The following SDCCAG8 variants were observed in gnomAD, a reference collection of about 807,000 sequenced individuals.
The protein encoded by SDCCAG8 is serologically defined colon cancer antigen 8.
SDCCAG8 carries 74 observed loss-of-function variants against 101.8 expected under a neutral mutation model. The ratio of observed to expected loss-of-function variants is 0.73; its 90% CI spans 0.60 to 0.88. The LOEUF is 0.88. SDCCAG8 is among the 40% of genes least tolerant of loss of function. The pLI is 0.00. For synonymous variants in SDCCAG8, 281 were observed against 292.9 expected, an observed-to-expected ratio of 0.96 and a Z score of 0.41; for missense variants, 787 against 822.6, an observed-to-expected ratio of 0.96 and a Z score of 0.53.
At chr1:243,390,348 T>C (rs2078624226) in intron 13 of SDCCAG8, among the ~76,000 whole-genome samples, 1 of 152,226 alleles carries the variant, frequency 6.6e-6, no homozygotes, top group Admixed American at 6.5e-5. Context: ...AATTGCGTCC[T>C]CTTTTCCTTC....
chr1:243,497,302 G>T (rs185345657), intron 17 of SDCCAG8, among the ~76,000 whole-genome samples: 1 of 136,902 alleles, frequency 7.3e-6, no homozygotes, highest in Non-Finnish European at 1.5e-5. Context: ...CTGACTGAAC[G>T]CTCACCATGG....
intron 15 of SDCCAG8, among the ~76,000 whole-genome samples, 174 bp from the exon 16 acceptor site, chr1:243,426,253 T>C (rs1319390223): frequency 6.6e-6 from 1 of 152,200 alleles, no homozygotes; most frequent in East Asian, 1.9e-4. Context: ...AACACATGAG[T>C]CTCTACAATG....
intron 13 of SDCCAG8, among the ~76,000 whole-genome samples, chr1:243,410,235 AAG>A (rs2080077513): frequency 6.6e-6 from 1 of 152,158 alleles, no homozygotes; most frequent in Admixed American, 6.5e-5. Flanking sequence ...AATACTACCA[AAG>A]AGGGATTTCC....
chr1:243,376,062 C>T (rs1553333212), intron 12 of SDCCAG8, among the ~76,000 whole-genome samples: 1 of 152,148 alleles, frequency 6.6e-6, no homozygotes, highest in Non-Finnish European at 1.5e-5. Flanking sequence ...ATTCAGTTTT[C>T]ACCAAAATAC....
rs552945419 is a variant in SDCCAG8, at chr1:243,274,769, T to C, written c.420+113T>C. The C allele has an allele frequency of 5.9e-4, 395 of 664,766 alleles. 3 individuals are homozygous for C. In the South Asian group the frequency reaches 6.2e-3, roughly 10 times the overall value. The allele number at this position is 664,766 out of a possible 1,614,324, so 41.2% of individuals were successfully genotyped here. The stretch of plus-strand genomic sequence containing the variant: ...CATGTTTGTAGCAATACATTGACAA[T>C]TGCTATTCTTACGTGATTGAGAGAC... On this transcript the variant is annotated intron_variant, in intron 4 of 17. Transcript: ENST00000366541.
rs2069189767 is a variant in SDCCAG8 at position 243,282,903 on chromosome 1, G to A, written c.421-3369G>A. ...GCTCTATAGCACAGGCTGGAGTGCAGTGGCGAGGTCTTGGCTCACTGCAAC... is the reference window on the plus strand; with the variant it reads ...GCTCTATAGCACAGGCTGGAGTGCAATGGCGAGGTCTTGGCTCACTGCAAC... On this transcript the variant is annotated intron_variant, in intron 4 of 17. Transcript: ENST00000366541. Among the ~76,000 whole-genome samples the A allele has an allele frequency of 2.0e-5, 3 of 152,140 alleles. No individual in the cohort carries two copies. The South Asian group carries it at 6.2e-4, about 31-fold the overall frequency.
At position 243,356,124 on chromosome 1, in the gene SDCCAG8, T is replaced by A. The variant is rs543369151; in HGVS notation, c.1473+11793T>A. Among the ~76,000 whole-genome samples the A allele has an allele frequency of 3.3e-5, 5 of 152,334 alleles. No individual in the cohort carries two copies. In the South Asian group the frequency reaches 8.3e-4, roughly 25 times the overall value. On this transcript the variant is annotated intron_variant, in intron 12 of 17. Transcript: ENST00000366541. ...AAATTAAGCTATGCAAGGTTTTATATAATAAGAACCAGACATGTTTCATTT... is the reference window on the plus strand; with the variant it reads ...AAATTAAGCTATGCAAGGTTTTATAAAATAAGAACCAGACATGTTTCATTT...
intron 13 of SDCCAG8, among the ~76,000 whole-genome samples, chr1:243,410,131 A>C (rs1365004394): frequency 6.6e-6 from 1 of 152,188 alleles, no homozygotes; most frequent in African/African-American, 2.4e-5. Flanking sequence ...ATGAGAGCCA[A>C]TTATGTGTAT....
At chr1:243,475,832 G>A (rs535686821) in intron 16 of SDCCAG8, 92 of 446,840 alleles carry the variant, frequency 2.1e-4, no homozygotes, top group Non-Finnish European at 2.6e-4. Flanking sequence ...AGGAAGGGGT[G>A]TTGGAAGCCT....
At chr1:243,397,200 A>G (rs1252211527) in intron 13 of SDCCAG8, among the ~76,000 whole-genome samples, 1 of 152,248 alleles carries the variant, frequency 6.6e-6, no homozygotes, top group Non-Finnish European at 1.5e-5. Flanking sequence ...AAAAGTGTTC[A>G]TAGAGGAAGG....
intron 16 of SDCCAG8, among the ~76,000 whole-genome samples, chr1:243,466,355 A>C (rs1660143735): frequency 6.6e-6 from 1 of 152,226 alleles, no homozygotes; most frequent in South Asian, 2.1e-4. Context: ...CATGGCTGGT[A>C]GGCTGGGCCT....
At chr1:243,386,489 G>T (rs1020993662) in intron 13 of SDCCAG8, among the ~76,000 whole-genome samples, 5 of 151,986 alleles carry the variant, frequency 3.3e-5, no homozygotes, top group Non-Finnish European at 5.9e-5. Flanking sequence ...ATCGCGAGAG[G>T]TCAGGAGTAA....
chr1:243,368,010 T>A (rs1183230267), intron 12 of SDCCAG8, among the ~76,000 whole-genome samples: 2 of 151,348 alleles, frequency 1.3e-5, no homozygotes, highest in South Asian at 4.2e-4. Flanking sequence ...GCCCAGGAGT[T>A]CAAGACCAGC....
intron 17 of SDCCAG8, 152 bp downstream of exon 17, chr1:243,489,292 C>T: frequency 3.7e-6 from 4 of 1,086,070 alleles, no homozygotes; most frequent in South Asian, 1.6e-5. Context: ...GGGCACAGTG[C>T]AGGACCCAGA....
intron 4 of SDCCAG8, among the ~76,000 whole-genome samples, chr1:243,281,582 C>T (rs1229460023): frequency 6.7e-6 from 1 of 148,814 alleles, no homozygotes; most frequent in Non-Finnish European, 1.5e-5. Context: ...ACATTTGTTA[C>T]TATTATCTTC....
intron 6 of SDCCAG8, among the ~76,000 whole-genome samples, chr1:243,298,648 A>G (rs116508355): frequency 0.017 from 2,604 of 151,860 alleles, 80 homozygotes; most frequent in African/African-American, 0.059. Context: ...TAGATCTACA[A>G]CCTACCTGGA....
intron 3 of SDCCAG8, 52 bp from the exon 4 acceptor site, chr1:243,274,491 G>A (rs2068361334): frequency 9.2e-7 from 1 of 1,081,868 alleles, no homozygotes; most frequent in African/African-American, 1.6e-5. Flanking sequence ...GCTTAATTTG[G>A]CTTTTTAAAA....
chr1:243,417,940 G>A, intron 14 of SDCCAG8, 28 bp from the exon 15 acceptor site: 2 of 1,499,696 alleles, frequency 1.3e-6, no homozygotes, highest in Non-Finnish European at 1.9e-6. Context: ...AACATCTTAT[G>A]TTGGTGGGGG....
At chr1:243,459,748 A>G (rs1424251241) in intron 16 of SDCCAG8, among the ~76,000 whole-genome samples, 1 of 152,142 alleles carries the variant, frequency 6.6e-6, no homozygotes, top group African/African-American at 2.4e-5. Context: ...CTGGGACTAC[A>G]GGCGTACCAA....
Sources: gnomAD v4.1 joint callset for allele counts (sites outside exome capture counted in the v4.1 genomes callset) on GRCh38, gnomAD v4.1.1 for gene constraint, MANE v1.5 for transcripts, NCBI Gene and HGNC (gene_info 2026-07-23, HGNC 2026-07-21) for gene names.